PPM1B: variants seen among roughly 807,000 people sequenced by gnomAD.
PPM1B encodes the protein protein phosphatase, Mg2+/Mn2+ dependent 1B, also known as protein phosphatase 1B.
PPM1B carries 22 observed loss-of-function variants against 43.0 expected under a neutral mutation model. The observed-to-expected ratio is 0.51, with a 90% CI of 0.37 to 0.73. The LOEUF (loss-of-function observed/expected upper bound fraction) is 0.73, where lower values mean the gene tolerates loss of function less well. Among genes scored for constraint, PPM1B ranks in the 30% least tolerant of loss-of-function variants. PPM1B has a pLI of 0.00. For missense variants in PPM1B, 632 were observed against 584.2 expected (o/e 1.08, Z -0.84); for synonymous variants, 217 against 197.9 (o/e 1.10, Z -0.81).
rs1389427915 is a variant in PPM1B, at chr2:44,198,608, G to A, written c.-14-2578G>A. Among the ~76,000 whole-genome samples the A allele has an allele frequency of 4.6e-5, 7 of 152,144 alleles. No homozygotes were observed. In the East Asian group the frequency reaches 1.3e-3, roughly 29 times the overall value. On this transcript the variant is annotated intron_variant, in intron 1 of 5. Transcript: ENST00000282412. ...ACAGGCACTACAGAAGTATTTGCTTGTTCCTTGGTCCCTCAAATAAGATAA... is the reference window on the plus strand; with the variant it reads ...ACAGGCACTACAGAAGTATTTGCTTATTCCTTGGTCCCTCAAATAAGATAA...
chr2:44,221,812 A>G (rs185626612), intron 5 of PPM1B, among the ~76,000 whole-genome samples: 3 of 152,084 alleles, frequency 2.0e-5, no homozygotes, highest in African/African-American at 4.8e-5. Flanking sequence ...AGAGTTGAGT[A>G]TAAGTCATAA....
chr2:44,198,363 G>A (rs1668763206), intron 1 of PPM1B, among the ~76,000 whole-genome samples: 1 of 152,080 alleles, frequency 6.6e-6, no homozygotes, highest in East Asian at 1.9e-4. Flanking sequence ...GTTTCACCAT[G>A]TTGACCAGGC....
chr2:44,239,878 TTTTTTG>T (rs1164150362), intron 5 of PPM1B, among the ~76,000 whole-genome samples: 1 of 128,646 alleles, frequency 7.8e-6, no homozygotes, highest in African/African-American at 3.0e-5. Flanking sequence ...GCTCTATTGT[TTTTTTG>T]TTTTTGTTTT....
chr2:44,246,548 A>G (rs1371323084), downstream of PPM1B, among the ~76,000 whole-genome samples: 3 of 152,214 alleles, frequency 2.0e-5, no homozygotes, highest in Admixed American at 2.0e-4. Flanking sequence ...CAAATTGACC[A>G]ATCTTTTACT....
chr2:44,222,156 G>T (rs1008271283), intron 5 of PPM1B, among the ~76,000 whole-genome samples: 2 of 151,968 alleles, frequency 1.3e-5, no homozygotes, highest in African/African-American at 4.8e-5. Flanking sequence ...TTTCTAAAAT[G>T]CTAGTTTGTG....
intron 1 of PPM1B, among the ~76,000 whole-genome samples, chr2:44,177,027 G>A (rs1369734381): frequency 6.6e-6 from 1 of 152,146 alleles, no homozygotes; most frequent in East Asian, 1.9e-4. Flanking sequence ...TGATCTGCCC[G>A]CCTCAGCCTT....
chr2:44,234,041 A>G, downstream of PPM1B: 1 of 975,952 alleles, frequency 1.0e-6, no homozygotes, highest in Non-Finnish European at 1.2e-6. Context: ...TGTTACCTAA[A>G]TAAAGAATTG....
At chr2:44,233,573 A>G (rs911589457), downstream of PPM1B, 2 of 985,674 alleles carry the variant, frequency 2.0e-6, no homozygotes, top group East Asian at 2.3e-4. Context: ...TGCTTTGTAA[A>G]CATTTTCCTG....
chr2:44,213,920 T>C (rs1178502571), intron 3 of PPM1B, among the ~76,000 whole-genome samples: 4 of 152,166 alleles, frequency 2.6e-5, no homozygotes, highest in Non-Finnish European at 4.4e-5. Context: ...GGAATTCTCT[T>C]AGTTTCCTTC....
chr2:44,221,093 T>C (rs1194136249), intron 5 of PPM1B, among the ~76,000 whole-genome samples: 1 of 152,224 alleles, frequency 6.6e-6, no homozygotes, highest in African/African-American at 2.4e-5. Context: ...TGTGGTATTT[T>C]AATCTGTTAG....
chr2:44,232,563 C>T (rs1444785097), downstream of PPM1B: 1 of 1,395,756 alleles, frequency 7.2e-7, no homozygotes, highest in Non-Finnish European at 9.3e-7. Flanking sequence ...TTTTTGCCAA[C>T]CTCAGGCATA....
At chr2:44,174,453 A>T (rs1285906929) in intron 1 of PPM1B, among the ~76,000 whole-genome samples, 1 of 152,232 alleles carries the variant, frequency 6.6e-6, no homozygotes, top group Non-Finnish European at 1.5e-5. Flanking sequence ...ATTATTGTCT[A>T]CGTAGAATGG....
chr2:44,234,471 A>T (rs534942413), downstream of PPM1B: 11 of 823,414 alleles, frequency 1.3e-5, no homozygotes, highest in Non-Finnish European at 1.6e-5. Flanking sequence ...GTGAGCTAAG[A>T]TCGCGCCACT....
intron 5 of PPM1B, among the ~76,000 whole-genome samples, chr2:44,225,023 C>T (rs1427400682): frequency 2.0e-5 from 3 of 152,102 alleles, no homozygotes; most frequent in Non-Finnish European, 2.9e-5. Flanking sequence ...TATACCTGTG[C>T]ACAAATCAGA....
At chr2:44,206,815 G>A (rs1669213926) in intron 2 of PPM1B, among the ~76,000 whole-genome samples, 1 of 152,122 alleles carries the variant, frequency 6.6e-6, no homozygotes, top group Non-Finnish European at 1.5e-5. Flanking sequence ...TCCTGCCTCA[G>A]CCTCCCAAAC....
intron 3 of PPM1B, among the ~76,000 whole-genome samples, chr2:44,212,672 A>T (rs1669530071): frequency 6.6e-6 from 1 of 151,924 alleles, no homozygotes; most frequent in African/African-American, 2.4e-5. Flanking sequence ...GATGTATTCC[A>T]GTTCATCCTA....
chr2:44,194,774 A>G (rs958024960), intron 1 of PPM1B, among the ~76,000 whole-genome samples: 2 of 152,084 alleles, frequency 1.3e-5, no homozygotes, highest in Non-Finnish European at 2.9e-5. Context: ...TCATTATGCA[A>G]ATTTATAGTT....
downstream of PPM1B, among the ~76,000 whole-genome samples, chr2:44,239,179 CAAA>C (rs1193340508): frequency 0.21 from 19,094 of 89,606 alleles, 680 homozygotes; most frequent in South Asian, 0.3. Context: ...GTCTCTAATA[CAAA>C]AAAAAAAAAA....
At chr2:44,193,616 A>T (rs1668513976) in intron 1 of PPM1B, among the ~76,000 whole-genome samples, 1 of 124,660 alleles carries the variant, frequency 8.0e-6, no homozygotes, top group South Asian at 2.4e-4. Context: ...GTCTCGCTCC[A>T]TTGCCCAGGC....
Sources: gnomAD v4.1 joint callset for allele counts (sites outside exome capture counted in the v4.1 genomes callset) on GRCh38, gnomAD v4.1.1 for gene constraint, MANE v1.5 for transcripts, NCBI Gene and HGNC (gene_info 2026-07-23, HGNC 2026-07-21) for gene names.